The following ATP8A1 variants were observed in gnomAD, a reference collection of about 807,000 sequenced individuals.
ATP8A1 encodes phospholipid-transporting ATPase IA.
ATP8A1 carries 90 observed loss-of-function variants against 177.7 expected under a neutral mutation model. The ratio of observed to expected loss-of-function variants is 0.51; its 90% CI spans 0.43 to 0.60. ATP8A1 has a LOEUF of 0.60. Ranked by LOEUF, ATP8A1 falls within the 20% of genes least tolerant of loss-of-function variation. The pLI, the probability that ATP8A1 is intolerant of heterozygous loss-of-function variation, is 0.00. For missense variants in ATP8A1, 1,072 were observed against 1,392.8 expected, an observed-to-expected ratio of 0.77 and a Z score of 3.67; for synonymous variants, 493 against 485.9, an observed-to-expected ratio of 1.01 and a Z score of -0.19.
intron 1 of ATP8A1, among the ~76,000 whole-genome samples, chr4:42,640,813 G>A (rs1739897974): frequency 6.6e-6 from 1 of 152,004 alleles, no homozygotes; most frequent in Non-Finnish European, 1.5e-5. Flanking sequence ...AGGTGTCAGG[G>A]TCAACATGGA....
intron 15 of ATP8A1, among the ~76,000 whole-genome samples, chr4:42,562,980 T>G (rs1730993217): frequency 6.6e-6 from 1 of 152,196 alleles, no homozygotes; most frequent in Non-Finnish European, 1.5e-5. Flanking sequence ...GACTAATACA[T>G]TAAATTGATA....
chr4:42,494,340 T>C (rs1242891140), intron 24 of ATP8A1, among the ~76,000 whole-genome samples: 1 of 151,970 alleles, frequency 6.6e-6, no homozygotes, highest in African/African-American at 2.4e-5. Context: ...GGATATGACA[T>C]GACAGGTGCC....
intron 27 of ATP8A1, 32 bp from the exon 28 acceptor site, chr4:42,455,631 G>T: frequency 6.3e-7 from 1 of 1,593,764 alleles, no homozygotes; most frequent in South Asian, 1.1e-5. Flanking sequence ...CCCCAAATTA[G>T]AATACAAAAG....
chr4:42,419,741 C>T (rs1261120130), intron 35 of ATP8A1, among the ~76,000 whole-genome samples: 2 of 152,234 alleles, frequency 1.3e-5, no homozygotes, highest in Non-Finnish European at 2.9e-5. Flanking sequence ...CAGTGGCCCA[C>T]GCCTGTAATC....
chr4:42,531,055 G>A (rs1727213104), intron 20 of ATP8A1, among the ~76,000 whole-genome samples: 1 of 148,726 alleles, frequency 6.7e-6, no homozygotes, highest in Non-Finnish European at 1.5e-5. Context: ...TAAGTCAACA[G>A]GCTAAGGGAG....
intron 20 of ATP8A1, 54 bp from the exon 21 acceptor site, chr4:42,524,901 A>C: frequency 8.2e-7 from 1 of 1,215,406 alleles, no homozygotes; most frequent in Non-Finnish European, 1.2e-6. Context: ...GGGTTTAATA[A>C]AGTTGATGTT....
chr4:42,461,165 T>G (rs1368516076), intron 27 of ATP8A1, among the ~76,000 whole-genome samples: 1 of 152,160 alleles, frequency 6.6e-6, no homozygotes, highest in Non-Finnish European at 1.5e-5. Flanking sequence ...CATTAATAAT[T>G]TTTGACAGTG....
chr4:42,630,341 G>A (rs909923225), intron 1 of ATP8A1, among the ~76,000 whole-genome samples: 7 of 152,148 alleles, frequency 4.6e-5, no homozygotes, highest in Non-Finnish European at 8.8e-5. Context: ...TAGAGGGTTC[G>A]TTCACATAAG....
intron 30 of ATP8A1, among the ~76,000 whole-genome samples, chr4:42,446,890 A>G (rs950572325): frequency 4.6e-5 from 7 of 152,160 alleles, no homozygotes; most frequent in Non-Finnish European, 8.8e-5. Flanking sequence ...CAGAGTCCAC[A>G]AGATTAAAAA....
chr4:42,655,980 A>G (rs1741569044), intron 1 of ATP8A1, among the ~76,000 whole-genome samples: 1 of 152,206 alleles, frequency 6.6e-6, no homozygotes, highest in African/African-American at 2.4e-5. Flanking sequence ...AAACCTTGGG[A>G]TATTTACAGT....
At chr4:42,419,050 A>G (rs1713566353) in intron 35 of ATP8A1, among the ~76,000 whole-genome samples, 1 of 152,246 alleles carries the variant, frequency 6.6e-6, no homozygotes, top group Admixed American at 6.5e-5. Flanking sequence ...ATGACAAAAA[A>G]GTAAATGATG....
Position 42,465,090 on chromosome 4 carries a change from A to T in ATP8A1, c.2325-14T>A. The T allele has an allele frequency of 6.2e-7, 1 of 1,601,264 alleles. No homozygotes were observed. Among genetic ancestry groups the T allele is most frequent in the Non-Finnish European group, 8.5e-7 (1 of 1,171,024 alleles). ...AGAGGAGAAACCCTGAAATTGAAAC[A>T]CATTATCAATTACTGTTTTCTGAAA... On this transcript the variant is annotated splice_polypyrimidine_tract_variant and intron_variant, in intron 25 of 36. Transcript: ENST00000381668.
intron 9 of ATP8A1, among the ~76,000 whole-genome samples, chr4:42,585,571 T>C (rs1314403961): frequency 1.3e-5 from 2 of 149,378 alleles, no homozygotes; most frequent in Non-Finnish European, 3.0e-5. Flanking sequence ...AATCTTCTAG[T>C]GCCTTGATTT....
chr4:42,444,725 A>C, intron 31 of ATP8A1, 91 bp from the exon 32 acceptor site: 1 of 1,277,086 alleles, frequency 7.8e-7, no homozygotes, highest in Non-Finnish European at 1.1e-6. Context: ...AGATCTCTGA[A>C]TGTAACTATG....
At chr4:42,554,349 A>C (rs917912262) in intron 16 of ATP8A1, among the ~76,000 whole-genome samples, 11 of 152,194 alleles carry the variant, frequency 7.2e-5, no homozygotes, top group Non-Finnish European at 1.2e-4. Flanking sequence ...ATGGAGAGAA[A>C]AGAAGGCATC....
At chr4:42,446,103 A>AAAAAAAAAAAAAAG (rs1717210673) in intron 31 of ATP8A1, among the ~76,000 whole-genome samples, 1 of 107,880 alleles carries the variant, frequency 9.3e-6, no homozygotes, top group Non-Finnish European at 2.3e-5. Flanking sequence ...AAAAAAAGAG[A>AAAAAAAAAAAAAAG]AGAGATATAG....
intron 10 of ATP8A1, among the ~76,000 whole-genome samples, chr4:42,580,596 G>T (rs747513460): frequency 2.6e-5 from 4 of 152,224 alleles, no homozygotes; most frequent in Non-Finnish European, 4.4e-5. Context: ...AAAATTAAAT[G>T]TCAGAATGAA....
At chr4:42,465,296 C>G (rs1274362312) in intron 25 of ATP8A1, among the ~76,000 whole-genome samples, 2 of 152,156 alleles carry the variant, frequency 1.3e-5, no homozygotes, top group Non-Finnish European at 2.9e-5. Flanking sequence ...AGGCAAACCC[C>G]TAGGTGACAT....
chr4:42,573,429 G>T (rs1390151313), intron 14 of ATP8A1, among the ~76,000 whole-genome samples: 1 of 152,146 alleles, frequency 6.6e-6, no homozygotes, highest in African/African-American at 2.4e-5. Flanking sequence ...AATTTGTTGG[G>T]AGGAGGGTGG....
Sources: gnomAD v4.1 joint callset for allele counts (sites outside exome capture counted in the v4.1 genomes callset) on GRCh38, gnomAD v4.1.1 for gene constraint, MANE v1.5 for transcripts, NCBI Gene and HGNC (gene_info 2026-07-23, HGNC 2026-07-21) for gene names.